Variants in RFFL observed in about 807,000 individuals in gnomAD.
RFFL encodes E3 ubiquitin-protein ligase rififylin.
RFFL carries 16 observed loss-of-function variants against 40.4 expected under a neutral mutation model. That is an observed-to-expected ratio of 0.40 (90% CI 0.27 to 0.60). The LOEUF (loss-of-function observed/expected upper bound fraction) is 0.60, where lower values mean the gene tolerates loss of function less well. RFFL is among the 20% of genes least tolerant of loss of function. RFFL has a pLI of 0.47. For synonymous variants in RFFL, 154 were observed against 167.9 expected, an observed-to-expected ratio of 0.92 and a Z score of 0.64; for missense variants, 367 against 451.7, an observed-to-expected ratio of 0.81 and a Z score of 1.70.
At chr17:35,044,622 T>A (rs774967447) in intron 1 of RFFL, among the ~76,000 whole-genome samples, 104 of 152,134 alleles carry the variant, frequency 6.8e-4, no homozygotes, top group South Asian at 1.7e-3. Context: ...TCAAAAAAAA[T>A]AAAGTAAGTG....
chr17:35,030,843 C>A (rs1199602039), intron 1 of RFFL, among the ~76,000 whole-genome samples: 1 of 151,410 alleles, frequency 6.6e-6, no homozygotes. Flanking sequence ...CTAAGTCCTG[C>A]TCTACTTACT....
intron 2 of RFFL, 76 bp from the exon 3 acceptor site, chr17:35,021,857 G>T: frequency 1.4e-6 from 2 of 1,439,064 alleles, no homozygotes; most frequent in Non-Finnish European, 1.9e-6. Context: ...GAGCTTCAGA[G>T]CTGCCAAGCC....
intron 1 of RFFL, among the ~76,000 whole-genome samples, chr17:35,029,051 C>A (rs2091063434): frequency 1.3e-5 from 2 of 152,004 alleles, no homozygotes; most frequent in African/African-American, 4.8e-5. Flanking sequence ...TAAGTCTTAA[C>A]TAATCACACA....
In RFFL at chr17:35,057,465, T is replaced by C. The variant is rs190755522; in HGVS notation, c.-9+6111A>G. 3.2e-4 allele frequency among the ~76,000 whole-genome samples: 49 copies of C among 151,768 alleles called. No individual in the cohort carries two copies. In the East Asian group the frequency reaches 9.5e-3, roughly 29 times the overall value. On this transcript the variant is annotated intron_variant, in intron 1 of 6. Coordinates refer to ENST00000394597, the MANE Select transcript of RFFL (RefSeq NM_001017368.2). ...CCCTAGCTCTTTTCACAAGACTGGC[T>C]CCTTCTCAGACTGCAGTTCACCTTC...
intron 2 of RFFL, among the ~76,000 whole-genome samples, chr17:35,022,688 T>C (rs1015102514): frequency 3.3e-5 from 5 of 152,188 alleles, no homozygotes; most frequent in African/African-American, 1.2e-4. Context: ...GTCAAGGGCC[T>C]GGCTTCCATC....
At chr17:35,082,191 T>G (rs979410553) in intron 1 of RFFL, among the ~76,000 whole-genome samples, 6 of 152,152 alleles carry the variant, frequency 3.9e-5, no homozygotes, top group African/African-American at 1.4e-4. Flanking sequence ...CAGAAACCTC[T>G]TTTAGCCTCG....
intron 1 of RFFL, among the ~76,000 whole-genome samples, chr17:35,042,562 C>T (rs761610305): frequency 6.6e-6 from 1 of 152,080 alleles, no homozygotes; most frequent in Non-Finnish European, 1.5e-5. Flanking sequence ...TGGCTCACAC[C>T]TGTAATCCCA....
intron 1 of RFFL, among the ~76,000 whole-genome samples, chr17:35,070,707 T>G (rs1200505706): frequency 6.6e-6 from 1 of 152,112 alleles, no homozygotes; most frequent in African/African-American, 2.4e-5. Context: ...TTGTCTAGGG[T>G]CTTGCTGTCA....
At chr17:35,068,407 C>T (rs2091331325), upstream of RFFL, among the ~76,000 whole-genome samples, 1 of 152,176 alleles carries the variant, frequency 6.6e-6, no homozygotes, top group African/African-American at 2.4e-5. Flanking sequence ...ATCTTGGGGC[C>T]AGAAGGACCA....
chr17:35,078,255 A>G (rs1279228366), intron 1 of RFFL, among the ~76,000 whole-genome samples: 2 of 152,198 alleles, frequency 1.3e-5, no homozygotes, highest in African/African-American at 4.8e-5. Context: ...GGAATAAAAA[A>G]AAAGGTCACG....
intron 1 of RFFL, among the ~76,000 whole-genome samples, chr17:35,054,760 T>G (rs899389662): frequency 6.6e-6 from 1 of 152,160 alleles, no homozygotes; most frequent in African/African-American, 2.4e-5. Flanking sequence ...ACAGAACTCA[T>G]AGTCTTCTTT....
chr17:35,019,507 G>A (rs970884617), intron 3 of RFFL, among the ~76,000 whole-genome samples: 2 of 152,012 alleles, frequency 1.3e-5, no homozygotes, highest in African/African-American at 4.8e-5. Flanking sequence ...AGCCTCTTGA[G>A]TAGCTACAGG....
chr17:35,038,643 G>A (rs1399103862), intron 1 of RFFL, among the ~76,000 whole-genome samples: 1 of 152,178 alleles, frequency 6.6e-6, no homozygotes, highest in African/African-American at 2.4e-5. Flanking sequence ...TTGAGCAAAA[G>A]CAGGAGGCAT....
chr17:35,016,521 A>C lies in RFFL; in HGVS notation c.735T>G (p.Thr245=). 6.2e-7 allele frequency: 1 copy of C among 1,614,216 alleles called. No homozygotes were observed. The highest frequency in any genetic ancestry group is 8.5e-7 in the Non-Finnish European group (1 of 1,180,030). ...TCAGGCCTTCAATGTCCTCCAGGTC[A>C]GTCAGGTCAGACAGAGAGGCCCTTC... is the stretch of plus-strand genomic sequence containing the variant. ...PGRRASLSDL[T]DLEDIEGLTV... Residue 245 remains threonine (T), a synonymous_variant, in exon 5 of 7, where the codon ACT becomes ACG. Transcript: ENST00000394597.
intron 1 of RFFL, among the ~76,000 whole-genome samples, chr17:35,054,041 G>A (rs769719145): frequency 6.6e-6 from 1 of 152,122 alleles, no homozygotes. Flanking sequence ...ATCCTGAGGG[G>A]TCATCCTGAG....
At position 35,034,159 on chromosome 17, in the gene RFFL, AAAT is replaced by A. The variant is rs566110271; in HGVS notation, c.-8-7601_-8-7599del. Among the ~76,000 whole-genome samples the A allele has an allele frequency of 5.7e-3, 855 of 151,318 alleles. 8 individuals are homozygous for A. Among genetic ancestry groups the A allele is most frequent in the African/African-American group, 0.019 (790 of 41,262 alleles). ...CTCTGTCTCAAAAAAATAAAAAATAAAATAATAATAATAATAATGATAATAATT... is the reference window on the plus strand; with the variant it reads ...CTCTGTCTCAAAAAAATAAAAAATAAAATAATAATAATAATGATAATAATT... On this transcript the variant is annotated intron_variant, in intron 1 of 6. Coordinates refer to ENST00000394597, the MANE Select transcript of RFFL (RefSeq NM_001017368.2).
chr17:35,076,877 G>A (rs1036604560), intron 1 of RFFL: 2 of 247,122 alleles, frequency 8.1e-6, no homozygotes, highest in Non-Finnish European at 1.7e-5. Flanking sequence ...AAGGCTAAAA[G>A]ACAAACTACC....
intron 1 of RFFL, among the ~76,000 whole-genome samples, chr17:35,055,333 A>G (rs1310814849): frequency 6.6e-6 from 1 of 152,100 alleles, no homozygotes; most frequent in African/African-American, 2.4e-5. Context: ...TTCATTATGA[A>G]GCTGTCTTCA....
rs765790547 is a variant in RFFL, at chr17:35,021,614, A to G, written c.348T>C (p.His116=). 1.2e-6 allele frequency: 2 copies of G among 1,613,602 alleles called. No individual in the cohort carries two copies. Residue 116 remains histidine, a synonymous_variant, in exon 3 of 7, where the codon CAT becomes CAC. Transcript: ENST00000394597. Reference sequence around the variant, plus strand: ...CCCGGCACATTTCGGTAGAGATGTCATGGAGGCTGAGATAGTCCCTCAAGT... The same window carrying G: ...CCCGGCACATTTCGGTAGAGATGTCGTGGAGGCTGAGATAGTCCCTCAAGT... ...VKDLRDYLSL[H]DISTEMCREK...
Sources: gnomAD v4.1 joint callset for allele counts (sites outside exome capture counted in the v4.1 genomes callset) on GRCh38, gnomAD v4.1.1 for gene constraint, MANE v1.5 for transcripts, NCBI Gene and HGNC (gene_info 2026-07-23, HGNC 2026-07-21) for gene names.